USH2A: variants seen among roughly 807,000 people sequenced by gnomAD.
The protein encoded by USH2A is Usher syndrome 2A (autosomal recessive, mild).
USH2A carries 443 observed loss-of-function variants against 538.9 expected under a neutral mutation model. That is an observed-to-expected ratio of 0.82 (90% CI 0.76 to 0.89). The LOEUF is 0.89. Among genes scored for constraint, USH2A ranks in the 40% least tolerant of loss-of-function variants. The pLI is 0.00. For synonymous variants in USH2A, 2,413 were observed against 2,273.5 expected, an observed-to-expected ratio of 1.06 and a Z score of -1.75; for missense variants, 6,633 against 6,324.8, an observed-to-expected ratio of 1.05 and a Z score of -1.65.
chr1:215,956,970 T>C (rs1290291049), intron 37 of USH2A, among the ~76,000 whole-genome samples: 3 of 152,206 alleles, frequency 2.0e-5, no homozygotes, highest in African/African-American at 4.8e-5. Flanking sequence ...AGATATCTTA[T>C]TATTGCCCGT....
At chr1:216,392,671 A>C (rs2039131830) in intron 3 of USH2A, among the ~76,000 whole-genome samples, 1 of 152,050 alleles carries the variant, frequency 6.6e-6, no homozygotes, top group African/African-American at 2.4e-5. Flanking sequence ...TTTTAAAAAA[A>C]AGTGAGCAGA....
At chr1:216,308,939 T>C (rs909518725) in intron 9 of USH2A, among the ~76,000 whole-genome samples, 4 of 152,204 alleles carry the variant, frequency 2.6e-5, no homozygotes, top group African/African-American at 4.8e-5. Flanking sequence ...CTGAGCTGCA[T>C]TGCAGCATGA....
In USH2A at chr1:216,199,871, C is replaced by G. The variant is rs201237919; in HGVS notation, c.3567G>C (p.Leu1189Phe). The change falls in exon 17 of 72, where the codon TTG becomes TTC. Residue 1189 changes from leucine to phenylalanine, a missense_variant. Transcript: ENST00000307340. ...IEKYILSCAP[L>F]AGGQPCVSYE... ...AGGAAACACATGGCTGACCACCAGC[C>G]AAAGGGGCACAGGACAAAATATATT... 1.2e-6 allele frequency: 2 copies of G among 1,614,014 alleles called. No individual in the cohort carries two copies. Among genetic ancestry groups the G allele is most frequent in the East Asian group, 4.5e-5 (2 of 44,850 alleles).
chr1:216,362,249 A>G (rs1041950533), intron 4 of USH2A, among the ~76,000 whole-genome samples: 1 of 152,190 alleles, frequency 6.6e-6, no homozygotes, highest in Non-Finnish European at 1.5e-5. Flanking sequence ...TTATAAATAA[A>G]TAAGGAATTA....
At chr1:216,222,980 GAAAA>G (rs68139217) in intron 14 of USH2A, among the ~76,000 whole-genome samples, 3 of 112,016 alleles carry the variant, frequency 2.7e-5, no homozygotes, top group African/African-American at 6.7e-5. Context: ...CTCCATCTCA[GAAAA>G]AAAAAAAAAA....
intron 16 of USH2A, among the ~76,000 whole-genome samples, chr1:216,202,087 T>C (rs2035014056): frequency 2.0e-5 from 3 of 152,022 alleles, no homozygotes; most frequent in African/African-American, 7.3e-5. Flanking sequence ...ATTTGAAAAA[T>C]CACTGAAGGC....
At chr1:215,831,584 T>C (rs1417454067) in intron 47 of USH2A, among the ~76,000 whole-genome samples, 2 of 152,040 alleles carry the variant, frequency 1.3e-5, no homozygotes, top group Non-Finnish European at 2.9e-5. Flanking sequence ...TACTTGGAAA[T>C]TAAACAATAC....
chr1:215,661,409 C>T (rs1305508695), intron 64 of USH2A, among the ~76,000 whole-genome samples: 10 of 152,194 alleles, frequency 6.6e-5, no homozygotes, highest in Non-Finnish European at 8.8e-5. Flanking sequence ...GACCCACTTT[C>T]TTCCATTGTC....
chr1:216,318,026 A>G (rs981826042), intron 9 of USH2A, among the ~76,000 whole-genome samples: 12 of 152,142 alleles, frequency 7.9e-5, no homozygotes, highest in African/African-American at 2.9e-4. Context: ...ATTCCTTAGG[A>G]TGGCTAAATA....
In USH2A at chr1:216,302,402, A is replaced by G. The variant is rs188749456; in HGVS notation, c.1645-10032T>C. Among the ~76,000 whole-genome samples, 24 of 152,316 alleles carry G rather than the reference A, an allele frequency of 1.6e-4. No homozygotes were observed. The East Asian group carries it at 4.2e-3, about 27-fold the overall frequency. ...TTTACCTACAGATTATGTAATTTCA[A>G]TTGGAAAAGCCAAAACAAATACTAT... On this transcript the variant is annotated intron_variant, in intron 9 of 71. Transcript: ENST00000307340.
At chr1:215,796,312 T>C (rs1662133258) in intron 50 of USH2A, among the ~76,000 whole-genome samples, 3 of 152,210 alleles carry the variant, frequency 2.0e-5, no homozygotes, top group Non-Finnish European at 4.4e-5. Context: ...TCAAGAAGTC[T>C]ATTGGTGCCA....
At chr1:216,323,811 T>A (rs2037668460) in intron 7 of USH2A, 116 bp from the exon 8 acceptor site, 1 of 986,564 alleles carries the variant, frequency 1.0e-6, no homozygotes, top group Non-Finnish European at 1.6e-6. Context: ...TTATTCATTC[T>A]AGGAAAAGCA....
chr1:215,836,219 T>C (rs978863639), intron 47 of USH2A, among the ~76,000 whole-genome samples: 2 of 151,474 alleles, frequency 1.3e-5, no homozygotes, highest in African/African-American at 4.8e-5. Flanking sequence ...CCTTGAGCTT[T>C]TCAAGACTGA....
intron 13 of USH2A, among the ~76,000 whole-genome samples, chr1:216,245,481 G>GAC (rs2036019911): frequency 8.1e-6 from 1 of 122,826 alleles, no homozygotes; most frequent in Non-Finnish European, 1.8e-5. Context: ...GAGAGAGAGA[G>GAC]AGAGAGAGAG....
At chr1:216,155,359 G>A (rs1395651498) in intron 21 of USH2A, among the ~76,000 whole-genome samples, 1 of 152,108 alleles carries the variant, frequency 6.6e-6, no homozygotes, top group Non-Finnish European at 1.5e-5. Flanking sequence ...TGTGGTCAGA[G>A]GTCACAAGAT....
chr1:216,083,467 C>G lies in USH2A; in HGVS notation c.5287G>C (p.Asp1763His). Residue 1763 changes from aspartate to histidine, a missense_variant, in exon 26 of 72, where the codon GAT (aspartate) becomes CAT (histidine). Asp to His is a moderately conservative substitution (Grantham distance 81). Transcript: ENST00000307340. ...ATTAATTCACATACAGCAAGAAAAT[C>G]AGGTCCATCTTTGTTATAAACGAAA... ...LLFVYNKDGP[D>H]FLAMELKSGI... is the part of the protein sequence containing the mutation. The G allele has an allele frequency of 6.2e-7, 1 of 1,611,390 alleles. No homozygotes were observed. The highest frequency in any genetic ancestry group is 8.5e-7 in the Non-Finnish European group (1 of 1,178,926).
At chr1:216,045,892 C>T (rs1428650678) in intron 32 of USH2A, among the ~76,000 whole-genome samples, 1 of 152,010 alleles carries the variant, frequency 6.6e-6, no homozygotes, top group Non-Finnish European at 1.5e-5. Context: ...TCAGTTTCAC[C>T]ATGAATCTAA....
chr1:215,907,917 T>C (rs2102476240), intron 38 of USH2A, among the ~76,000 whole-genome samples: 1 of 151,968 alleles, frequency 6.6e-6, no homozygotes, highest in East Asian at 1.9e-4. Context: ...GCAGAGAAAA[T>C]TATTTCTGTC....
intron 69 of USH2A, among the ~76,000 whole-genome samples, chr1:215,637,807 A>T (rs1010332917): frequency 1.2e-4 from 19 of 152,190 alleles, no homozygotes; most frequent in African/African-American, 3.9e-4. Flanking sequence ...TGTGTTTCAG[A>T]AATTTTGGAC....
Sources: allele counts gnomAD v4.1 joint callset (sites outside exome capture counted in the v4.1 genomes callset), GRCh38; gene constraint gnomAD v4.1.1; transcripts MANE v1.5; gene names NCBI Gene and HGNC (gene_info 2026-07-23, HGNC 2026-07-21).